The following AUTS2 variants were observed in gnomAD, a reference collection of about 807,000 sequenced individuals.
The protein encoded by AUTS2 is activator of transcription and developmental regulator AUTS2.
In AUTS2, 17 loss-of-function variants were observed where a neutral mutation model predicts 112.4. The observed-to-expected ratio is 0.15, with a 90% CI of 0.10 to 0.23. The LOEUF (loss-of-function observed/expected upper bound fraction) is 0.23. AUTS2 is among the 10% of genes least tolerant of loss of function. The probability of loss-of-function intolerance (pLI) is 1.00; values close to 1 mark genes in which losing one functional copy is unlikely to be tolerated. For synonymous variants in AUTS2, 751 were observed against 702.7 expected, an observed-to-expected ratio of 1.07 and a Z score of -1.09; for missense variants, 1,510 against 1,701.6, an observed-to-expected ratio of 0.89 and a Z score of 1.98.
At chr7:70,266,553 A>G (rs542524807) in intron 4 of AUTS2, among the ~76,000 whole-genome samples, 1 of 152,286 alleles carries the variant, frequency 6.6e-6, no homozygotes, top group African/African-American at 2.4e-5. Context: ...AAATTAATCC[A>G]GTGGGGTCTG....
intron 4 of AUTS2, among the ~76,000 whole-genome samples, chr7:70,385,650 C>G (rs766904488): frequency 1.3e-5 from 2 of 152,170 alleles, no homozygotes; most frequent in African/African-American, 2.4e-5. Context: ...GTGGGAAGAT[C>G]GCTTGAGCCC....
In AUTS2 at chr7:70,158,522, C is replaced by T. The variant is rs181831652; in HGVS notation, c.660+23951C>T. Among the ~76,000 whole-genome samples the T allele has an allele frequency of 3.0e-3, 459 of 152,296 alleles. 4 individuals are homozygous for T. Among genetic ancestry groups the T allele is most frequent in the African/African-American group, 0.01 (434 of 41,564 alleles). Reference sequence around the variant, plus strand: ...ACCAAGTGAGTGCTGGTACAATTCACTAAGAGAGGCAGTATAGGGGAGTGA... The same window carrying T: ...ACCAAGTGAGTGCTGGTACAATTCATTAAGAGAGGCAGTATAGGGGAGTGA... On this transcript the variant is annotated intron_variant, in intron 4 of 18. Coordinates refer to ENST00000342771, the MANE Select transcript of AUTS2 (RefSeq NM_015570.4).
At chr7:70,769,599 G>A (rs992539895) in intron 10 of AUTS2, among the ~76,000 whole-genome samples, 1 of 152,186 alleles carries the variant, frequency 6.6e-6, no homozygotes, top group African/African-American at 2.4e-5. Flanking sequence ...GCAGGAGAAT[G>A]GCGTGAACCC....
At chr7:70,379,378 T>C (rs1159633090) in intron 4 of AUTS2, among the ~76,000 whole-genome samples, 6 of 152,006 alleles carry the variant, frequency 3.9e-5, no homozygotes, top group Admixed American at 3.9e-4. Flanking sequence ...GGTGTGCACC[T>C]GTGATCCCAG....
intron 18 of AUTS2, 50 bp downstream of exon 18, chr7:70,787,481 C>A: frequency 1.5e-6 from 2 of 1,367,528 alleles, no homozygotes; most frequent in Non-Finnish European, 2.0e-6. Context: ...CTGCTCTATG[C>A]CAAGTACCAG....
intron 1 of AUTS2, among the ~76,000 whole-genome samples, chr7:69,766,302 A>G (rs1309169444): frequency 2.6e-5 from 4 of 152,174 alleles, no homozygotes; most frequent in Non-Finnish European, 5.9e-5. Context: ...TTTTAAGGCT[A>G]ATATTCCATT....
chr7:70,782,031 C>T, intron 15 of AUTS2: 1 of 412,358 alleles, frequency 2.4e-6, no homozygotes, highest in Non-Finnish European at 4.3e-6. Context: ...ACCAGTATAA[C>T]TCACAAGCAT....
chr7:70,705,777 A>G (rs1239084474), intron 6 of AUTS2, among the ~76,000 whole-genome samples: 1 of 152,194 alleles, frequency 6.6e-6, no homozygotes, highest in Admixed American at 6.5e-5. Context: ...AGCTGGGCAT[A>G]GGAGCTGGGC....
At chr7:70,091,211 A>G (rs914178837) in intron 2 of AUTS2, among the ~76,000 whole-genome samples, 1 of 152,144 alleles carries the variant, frequency 6.6e-6, no homozygotes, top group Non-Finnish European at 1.5e-5. Flanking sequence ...ACCTCTGTAT[A>G]TAACCTGTCA....
At chr7:70,486,001 TAATAAATAAATA>T (rs71530002) in intron 5 of AUTS2, among the ~76,000 whole-genome samples, 5 of 122,516 alleles carry the variant, frequency 4.1e-5, no homozygotes, top group South Asian at 5.3e-4. Flanking sequence ...AATAAATAAA[TAATAAATAAATA>T]AATAAATAAA....
intron 4 of AUTS2, among the ~76,000 whole-genome samples, chr7:70,277,962 G>A (rs1042499921): frequency 5.9e-4 from 84 of 141,196 alleles, no homozygotes; most frequent in African/African-American, 1.1e-3. Context: ...GTATGTATGT[G>A]TGTGTGTGTG....
chr7:70,040,164 A>G lies in AUTS2; in HGVS notation c.523-77968A>G, dbSNP rs568699653. Among the ~76,000 whole-genome samples, 6 of 152,326 alleles carry G rather than the reference A, an allele frequency of 3.9e-5. 2 individuals are homozygous for G. The South Asian group carries it at 8.3e-4, about 21-fold the overall frequency. ...TAATTTTACGTACGACCAAACCCAT[A>G]GAATGTACAGCACCAAGAGTAAACC... On this transcript the variant is annotated intron_variant, in intron 2 of 18. Transcript: ENST00000342771.
intron 1 of AUTS2, among the ~76,000 whole-genome samples, chr7:69,620,728 C>A (rs903081953): frequency 1.3e-5 from 2 of 152,126 alleles, no homozygotes; most frequent in Admixed American, 1.3e-4. Context: ...ATTTTGACTT[C>A]CGGGTGTGGG....
rs79316265 is a variant in AUTS2 at position 69,748,579 on chromosome 7, G to C, written c.309+148617G>C. On this transcript the variant is annotated intron_variant, in intron 1 of 18. Transcript: ENST00000342771. ...CTCAATCAGCTAGGTAGAGATAAAAGAGAAATTTTGTATTCTGAAGATGTA... is the reference window on the plus strand; with the variant it reads ...CTCAATCAGCTAGGTAGAGATAAAACAGAAATTTTGTATTCTGAAGATGTA... 3.7e-3 allele frequency among the ~76,000 whole-genome samples: 563 copies of C among 152,288 alleles called. 5 individuals are homozygous for C. The highest frequency in any genetic ancestry group is 0.013 in the African/African-American group (540 of 41,578).
intron 4 of AUTS2, among the ~76,000 whole-genome samples, chr7:70,161,483 A>T (rs561954672): frequency 2.0e-5 from 3 of 151,516 alleles, no homozygotes; most frequent in Non-Finnish European, 4.4e-5. Context: ...CAGGTCACCA[A>T]CCTTGACTTT....
rs1340261250 is a variant in AUTS2, at chr7:70,790,001, G to A, written c.2785G>A (p.Ala929Thr). The change falls in exon 19 of 19, where the codon GCG becomes ACG. Residue 929 changes from alanine to threonine, a missense_variant. Physicochemically the swap from Ala to Thr is moderately conservative, Grantham distance 58. Around this residue, in one of 3 missense-constraint regions of AUTS2, gnomAD observed 788 missense variants for 797.6 expected, o/e 0.99. Coordinates refer to ENST00000342771, the MANE Select transcript of AUTS2 (RefSeq NM_015570.4). This position sits in a 1 kb window ranked among gnomAD's most constrained non-coding sequence, Gnocchi z 7.6. ...CGGGCACGGCCACGAGGGGCGCGCC[G>A]CGGGCGAAGAGGCCAAGCAGCTGGC... Reference protein sequence around the residue: ...KDGHGHEGRAAGEEAKQLARV... With the variant: ...KDGHGHEGRATGEEAKQLARV... 5.6e-6 allele frequency: 9 copies of A among 1,599,758 alleles called. No homozygotes were observed. Among genetic ancestry groups the A allele is most frequent in the Middle Eastern group, 1.7e-4 (1 of 6,060 alleles).
intron 4 of AUTS2, among the ~76,000 whole-genome samples, chr7:70,249,921 C>G (rs1786503192): frequency 7.0e-6 from 1 of 143,808 alleles, no homozygotes; most frequent in Non-Finnish European, 1.5e-5. Context: ...TTTTATTTTA[C>G]TTTTAAAATA....
chr7:70,476,481 G>C (rs1000965287), intron 5 of AUTS2, among the ~76,000 whole-genome samples: 3 of 152,214 alleles, frequency 2.0e-5, no homozygotes, highest in African/African-American at 7.2e-5. Flanking sequence ...CTTGGTGTCT[G>C]AATGAGAAAG....
At chr7:69,803,403 T>G (rs1482769249) in intron 1 of AUTS2, among the ~76,000 whole-genome samples, 1 of 152,180 alleles carries the variant, frequency 6.6e-6, no homozygotes, top group Admixed American at 6.5e-5. Context: ...CAAAACTCAC[T>G]GGGTTTGCTT....
Sources: gnomAD v4.1 joint callset for allele counts (sites outside exome capture counted in the v4.1 genomes callset) on GRCh38, gnomAD v4.1.1 for gene constraint, gnomAD v4.1.1 regional missense constraint, Gnocchi (gnomAD v3.1) non-coding constraint, MANE v1.5 for transcripts, NCBI Gene and HGNC (gene_info 2026-07-23, HGNC 2026-07-21) for gene names.